Variants in PTPRN2 observed in about 807,000 individuals in gnomAD.
PTPRN2 encodes receptor-type tyrosine-protein phosphatase N2.
Under a neutral mutation model 118.8 loss-of-function variants are expected in PTPRN2, and 74 were observed. The ratio of observed to expected loss-of-function variants is 0.62; its 90% confidence interval spans 0.52 to 0.76. The LOEUF (loss-of-function observed/expected upper bound fraction) is 0.76. PTPRN2 is among the 30% of genes least tolerant of loss of function. The pLI is 0.00. For missense variants in PTPRN2, 1,481 were observed against 1,394.4 expected (o/e 1.06, Z -0.99); for synonymous variants, 641 against 608.0 (o/e 1.05, Z -0.80).
At chr7:158,071,685 G>GTGA (rs1554528619) in intron 11 of PTPRN2, among the ~76,000 whole-genome samples, 37 of 131,038 alleles carry the variant, frequency 2.8e-4, no homozygotes, top group African/African-American at 6.7e-4. Flanking sequence ...GGTGCTCCTG[G>GTGA]TGGAGGTGCT....
intron 2 of PTPRN2, among the ~76,000 whole-genome samples, chr7:158,371,296 A>G (rs1418170733): frequency 2.0e-5 from 3 of 151,994 alleles, no homozygotes; most frequent in Non-Finnish European, 4.4e-5. Context: ...TAGTTATCAG[A>G]TCCTATAATA....
At chr7:157,731,312 C>T (rs1385211451) in intron 12 of PTPRN2, among the ~76,000 whole-genome samples, 1 of 152,178 alleles carries the variant, frequency 6.6e-6, no homozygotes, top group South Asian at 2.1e-4. Context: ...CTAGTTGCAT[C>T]GTGTGACAAC....
At chr7:158,466,809 G>A (rs1001516201) in intron 2 of PTPRN2, among the ~76,000 whole-genome samples, 8 of 152,210 alleles carry the variant, frequency 5.3e-5, no homozygotes, top group African/African-American at 1.9e-4. Context: ...GGGAGGCTGA[G>A]GCGGGTGGAT....
chr7:158,165,462 G>T (rs1822877996), intron 6 of PTPRN2, among the ~76,000 whole-genome samples: 1 of 152,244 alleles, frequency 6.6e-6, no homozygotes, highest in African/African-American at 2.4e-5. Context: ...GAAAGCATCG[G>T]TAATGGTCAC....
intron 3 of PTPRN2, among the ~76,000 whole-genome samples, chr7:158,283,760 T>C (rs1381356225): frequency 1.3e-5 from 2 of 151,308 alleles, no homozygotes; most frequent in Non-Finnish European, 2.9e-5. Context: ...CCACCACTCC[T>C]CAGGCCACTC....
At chr7:157,963,825 G>A (rs780263577) in intron 11 of PTPRN2, among the ~76,000 whole-genome samples, 2 of 152,236 alleles carry the variant, frequency 1.3e-5, no homozygotes, top group Non-Finnish European at 2.9e-5. Flanking sequence ...AATGGCCGGG[G>A]TTGCTACATT....
chr7:158,525,389 C>G lies in PTPRN2; in HGVS notation c.113-35604G>C, dbSNP rs1824695203. 6.6e-6 allele frequency among the ~76,000 whole-genome samples: 1 copy of G among 152,214 alleles called. No homozygotes were observed. Among genetic ancestry groups the G allele is most frequent in the South Asian group, 2.1e-4 (1 of 4,834 alleles). On this transcript the variant is annotated intron_variant, in intron 1 of 22. Coordinates refer to ENST00000389418, the MANE Select transcript of PTPRN2 (RefSeq NM_002847.5). The surrounding 1 kb of genome is among the most constrained non-coding windows in gnomAD (Gnocchi z 4.1). The stretch of plus-strand genomic sequence containing the variant: ...GATGCTAGGCCCCAGGGGCCATGGG[C>G]TACGCACGGGCCAGGTTTCCAGCCT...
At chr7:157,867,499 C>T (rs112107281) in intron 12 of PTPRN2, among the ~76,000 whole-genome samples, 3 of 128,500 alleles carry the variant, frequency 2.3e-5, no homozygotes, top group Non-Finnish European at 3.3e-5. Context: ...CCTGGATACA[C>T]GGCCACCTGG....
intron 9 of PTPRN2, among the ~76,000 whole-genome samples, chr7:158,131,238 AACAC>A (rs972929917): frequency 7.0e-4 from 103 of 146,362 alleles, no homozygotes; most frequent in Middle Eastern, 3.5e-3. Flanking sequence ...ACACCCAACA[AACAC>A]ACATACATAC....
chr7:158,401,359 C>CTT (rs796327206), intron 2 of PTPRN2, among the ~76,000 whole-genome samples: 3 of 152,392 alleles, frequency 2.0e-5, no homozygotes, highest in African/African-American at 7.2e-5. Flanking sequence ...CCGGAAGCTC[C>CTT]TTCTCTGTGT....
chr7:157,933,239 T>C (rs1158555902), intron 11 of PTPRN2, among the ~76,000 whole-genome samples: 2 of 139,770 alleles, frequency 1.4e-5, no homozygotes, highest in Admixed American at 7.1e-5. Flanking sequence ...ATTGACAGTT[T>C]TAGAGGAGGG....
rs1824820128 is a variant in PTPRN2 at position 158,526,879 on chromosome 7, GC to G, written c.113-37095del. On this transcript the variant is annotated intron_variant, in intron 1 of 22. Coordinates refer to ENST00000389418, the MANE Select transcript of PTPRN2 (RefSeq NM_002847.5). The surrounding 1 kb of genome is among the most constrained non-coding windows in gnomAD (Gnocchi z 5.2). ...CTCAGAAATGTCTGTTGTTTGCTAA[GC>G]CGCCTGGTTTGTGGGGGTTTGTTAG... 6.6e-6 allele frequency among the ~76,000 whole-genome samples: 1 copy of G among 152,174 alleles called. No homozygotes were observed. The highest frequency in any genetic ancestry group is 1.5e-5 in the Non-Finnish European group (1 of 68,040).
rs9647691 is a variant in PTPRN2 at position 157,784,334 on chromosome 7, G to A, written c.1789-101397C>T. ...CTGCACAGTGACGGATTAGGGGGGCGGTTCAGCAGCCCCTCGAACCTTCAC... is the reference window on the plus strand; with the variant it reads ...CTGCACAGTGACGGATTAGGGGGGCAGTTCAGCAGCCCCTCGAACCTTCAC... On this transcript the variant is annotated intron_variant, in intron 12 of 22. Coordinates refer to ENST00000389418, the MANE Select transcript of PTPRN2 (RefSeq NM_002847.5). This position sits in a 1 kb window ranked among gnomAD's most constrained non-coding sequence, Gnocchi z 4.6. Among the ~76,000 whole-genome samples, 16,775 of 152,154 alleles carry A rather than the reference G, an allele frequency of 0.11. 981 individuals are homozygous for A. The highest frequency in any genetic ancestry group is 0.14 in the Middle Eastern group (41 of 294).
chr7:158,095,539 C>T (rs1814564439), intron 10 of PTPRN2, among the ~76,000 whole-genome samples: 1 of 152,098 alleles, frequency 6.6e-6, no homozygotes, highest in Non-Finnish European at 1.5e-5. Context: ...GTAATCTGCC[C>T]AGGGCCTCAC....
chr7:157,621,846 C>T (rs188000775), intron 14 of PTPRN2, among the ~76,000 whole-genome samples: 16 of 151,244 alleles, frequency 1.1e-4, no homozygotes, highest in Non-Finnish European at 1.6e-4. Context: ...GGCTGCTCCG[C>T]GTGCCCATTT....
At chr7:157,883,546 C>A (rs7384090) in intron 12 of PTPRN2, among the ~76,000 whole-genome samples, 107,030 of 146,454 alleles carry the variant, frequency 0.73, 38,589 homozygotes, top group Middle Eastern at 0.8. Context: ...CACCCTAAAA[C>A]CGACTGTCAG....
chr7:157,873,494 C>T lies in PTPRN2; in HGVS notation c.1788+25179G>A, dbSNP rs4996704. On this transcript the variant is annotated intron_variant, in intron 12 of 22. Transcript: ENST00000389418. ...AGGAGAACGTACCGTCCTCAAGGTCCGTCTCGCCGTGGGGGCCGGGAGGAG... is the reference window on the plus strand; with the variant it reads ...AGGAGAACGTACCGTCCTCAAGGTCTGTCTCGCCGTGGGGGCCGGGAGGAG... Among the ~76,000 whole-genome samples the T allele has an allele frequency of 2.2e-3, 233 of 107,884 alleles. 1 individual carries two copies. In the Middle Eastern group the frequency reaches 0.027, roughly 12 times the overall value. 70.8% of individuals were successfully genotyped at this position (107,884 alleles called of 152,430 possible). A position where few individuals can be genotyped will look rare whatever the true frequency, so the allele number is the denominator to read the frequency against.
At chr7:158,171,187 CACAT>C (rs1348412763) in intron 5 of PTPRN2, among the ~76,000 whole-genome samples, 7 of 138,132 alleles carry the variant, frequency 5.1e-5, no homozygotes, top group South Asian at 2.3e-4. Flanking sequence ...CATATATACA[CACAT>C]ACATATATAT....
chr7:157,818,368 G>A (rs1806572224), intron 12 of PTPRN2, among the ~76,000 whole-genome samples: 1 of 151,850 alleles, frequency 6.6e-6, no homozygotes, highest in Admixed American at 6.5e-5. Flanking sequence ...CGTGGGAAAT[G>A]ACACGGGGGC....
Sources: allele counts gnomAD v4.1 joint callset (sites outside exome capture counted in the v4.1 genomes callset), GRCh38; gene constraint gnomAD v4.1.1; non-coding constraint Gnocchi (gnomAD v3.1); transcripts MANE v1.5; gene names NCBI Gene and HGNC (gene_info 2026-07-23, HGNC 2026-07-21).